Variants in BCKDHA observed in about 807,000 individuals in gnomAD.
BCKDHA encodes 2-oxoisovalerate dehydrogenase subunit alpha, mitochondrial.
In BCKDHA, 43 loss-of-function variants were observed where a neutral mutation model predicts 52.2. The observed-to-expected ratio is 0.82, with a 90% CI of 0.64 to 1.06. BCKDHA has a LOEUF of 1.06. BCKDHA is among the 50% of genes least tolerant of loss of function. The pLI, the probability that BCKDHA is intolerant of heterozygous loss-of-function variation, is 0.00. For synonymous variants in BCKDHA, 234 were observed against 247.9 expected (o/e 0.94, Z 0.53); for missense variants, 527 against 621.3 (o/e 0.85, Z 1.61).
chr19:41,416,361 A>G (rs1400427008), intron 4 of BCKDHA, among the ~76,000 whole-genome samples: 1 of 152,174 alleles, frequency 6.6e-6, no homozygotes, highest in African/African-American at 2.4e-5. Context: ...GTGTTGCCTC[A>G]TTGAGGCACC....
At chr19:41,399,632 C>T (rs2039114889) in intron 1 of BCKDHA, 1 of 151,016 alleles carries the variant, frequency 6.6e-6, no homozygotes. Context: ...TTATTTCTCC[C>T]ACCTGTTCTT....
chr19:41,402,854 T>C (rs144061861), intron 1 of BCKDHA, among the ~76,000 whole-genome samples: 5,159 of 152,254 alleles, frequency 0.034, 286 homozygotes, highest in African/African-American at 0.12. Context: ...TTGGCCAGGC[T>C]GGTCTCGAAC....
chr19:41,404,433 G>A (rs1347436978), intron 1 of BCKDHA, among the ~76,000 whole-genome samples: 1 of 151,756 alleles, frequency 6.6e-6, no homozygotes, highest in East Asian at 1.9e-4. Flanking sequence ...GGGACTACAG[G>A]CGCCCGCCAC....
chr19:41,415,801 A>G (rs1398604948), intron 4 of BCKDHA, among the ~76,000 whole-genome samples: 1 of 147,666 alleles, frequency 6.8e-6, no homozygotes, highest in East Asian at 2.0e-4. Context: ...GGCGCCCACC[A>G]CCATGCCTGG....
At chr19:41,414,277 T>C (rs1395160852) in intron 4 of BCKDHA, 120 bp downstream of exon 4, 1 of 1,028,036 alleles carries the variant, frequency 9.7e-7, no homozygotes, top group Non-Finnish European at 1.5e-6. Context: ...AAGAAGAGCT[T>C]TCCAAGCAAG....
chr19:41,416,289 A>G (rs2039307403), intron 4 of BCKDHA, among the ~76,000 whole-genome samples: 1 of 152,094 alleles, frequency 6.6e-6, no homozygotes, highest in Non-Finnish European at 1.5e-5. Flanking sequence ...GGAGACTGTC[A>G]TTTCCCCTCA....
rs201109190 is a variant in BCKDHA, at chr19:41,422,719, G to A, written c.944G>A (p.Arg315Gln). ...AVYNATKEAR[R>Q]RAVAENQPFL... is the part of the protein sequence containing the mutation. ...TACAACGCCACAAAGGAGGCCCGAC[G>A]GCGGGCTGTGGCAGAGAACCAGCCC... Residue 315 changes from arginine (R) to glutamine (Q), a missense_variant, in exon 7 of 9, where the codon CGG becomes CAG. Arg to Gln is a conservative substitution (Grantham distance 43). Transcript: ENST00000269980. 6 of 1,613,934 alleles carry A rather than the reference G, an allele frequency of 3.7e-6. No individual in the cohort carries two copies. The highest frequency in any genetic ancestry group is 1.7e-5 in the Admixed American group (1 of 60,006).
chr19:41,408,228 A>T (rs1335862144), intron 1 of BCKDHA, among the ~76,000 whole-genome samples: 2 of 146,368 alleles, frequency 1.4e-5, no homozygotes, highest in African/African-American at 2.6e-5. Context: ...AAGTGCTAGG[A>T]TTACAGGCGT....
intron 1 of BCKDHA, among the ~76,000 whole-genome samples, chr19:41,404,457 T>A (rs1303642664): frequency 6.8e-6 from 1 of 146,808 alleles, no homozygotes; most frequent in Non-Finnish European, 1.5e-5. Flanking sequence ...GCCCGGCTAA[T>A]TTTTTGTATT....
intron 1 of BCKDHA, among the ~76,000 whole-genome samples, chr19:41,401,314 G>A (rs1000253518): frequency 7.9e-5 from 12 of 152,018 alleles, no homozygotes; most frequent in Admixed American, 3.9e-4. Context: ...GACCTCAGGC[G>A]ACCCACCCAC....
At chr19:41,413,551 G>T (rs1280068020) in intron 3 of BCKDHA, among the ~76,000 whole-genome samples, 3 of 152,194 alleles carry the variant, frequency 2.0e-5, no homozygotes. Context: ...CCTCACTGCA[G>T]CCTGAGAGCA....
In BCKDHA at chr19:41,424,421, G is replaced by C; in HGVS notation, c.1168-17G>C. ...TGGGAGGCCGGCTAGCCTGCCCACT[G>C]CCCCATGTCCCCACAGGTGATGGAG... On this transcript the variant is annotated splice_polypyrimidine_tract_variant and intron_variant, in intron 8 of 8. Coordinates refer to ENST00000269980, the MANE Select transcript of BCKDHA (RefSeq NM_000709.4). 1 of 1,613,606 alleles carries C rather than the reference G, an allele frequency of 6.2e-7. No individual in the cohort carries two copies. The highest frequency in any genetic ancestry group is 8.5e-7 in the Non-Finnish European group (1 of 1,180,006).
At chr19:41,410,216 C>T (rs1376876174) in intron 1 of BCKDHA, among the ~76,000 whole-genome samples, 1 of 152,134 alleles carries the variant, frequency 6.6e-6, no homozygotes, top group Non-Finnish European at 1.5e-5. Flanking sequence ...GCATGTGTGT[C>T]TGTGGTCACA....
chr19:41,424,467 G>A lies in BCKDHA; in HGVS notation c.1197G>A (p.Arg399=). 1 of 1,614,152 alleles carries A rather than the reference G, an allele frequency of 6.2e-7. No individual in the cohort carries two copies. The highest frequency in any genetic ancestry group is 8.5e-7 in the Non-Finnish European group (1 of 1,180,032). The stretch of plus-strand genomic sequence containing the variant: ...TGGAGGCCTTTGAGCAGGCCGAGCG[G>A]AAGCCCAAACCCAACCCCAACCTAC... ...KVMEAFEQAE[R]KPKPNPNLLF... is the part of the protein sequence containing the mutation. Residue 399 remains arginine, a synonymous_variant, in exon 9 of 9, where the codon CGG becomes CGA. Coordinates refer to ENST00000269980, the MANE Select transcript of BCKDHA (RefSeq NM_000709.4).
rs1450918661 is a variant in BCKDHA at position 41,423,067 on chromosome 19, T to A, written c.1065T>A (p.Asp355Glu). 3.8e-6 allele frequency: 6 copies of A among 1,594,612 alleles called. No individual in the cohort carries two copies. The highest frequency in any genetic ancestry group is 3.4e-6 in the Non-Finnish European group (4 of 1,170,602). The change falls in exon 8 of 9, where the codon GAT (aspartate) becomes GAA (glutamate). Residue 355 changes from aspartate to glutamate, a missense_variant. Physicochemically the swap from Asp to Glu is conservative, Grantham distance 45. Transcript: ENST00000269980. ...CGGTGGATGAGGTCAATTACTGGGA[T>A]AAACAGGACCACCCCATCTCCCGGC... The part of the protein sequence containing the change: ...YRSVDEVNYW[D>E]KQDHPISRLR...
chr19:41,412,764 C>T (rs1024627729), intron 3 of BCKDHA, among the ~76,000 whole-genome samples: 1 of 151,760 alleles, frequency 6.6e-6, no homozygotes, highest in Non-Finnish European at 1.5e-5. Flanking sequence ...AGTGCAGTGG[C>T]GCAATCTCGG....
At chr19:41,422,450 CT>C (rs1485080616) in intron 6 of BCKDHA, 80 bp downstream of exon 6, 90 of 1,587,458 alleles carry the variant, frequency 5.7e-5, no homozygotes, top group Non-Finnish European at 7.4e-5. Flanking sequence ...CCTGCCACCC[CT>C]ACCCTCCTTC....
At chr19:41,412,001 C>T (rs1429625703) in intron 3 of BCKDHA, among the ~76,000 whole-genome samples, 1 of 152,194 alleles carries the variant, frequency 6.6e-6, no homozygotes, top group African/African-American at 2.4e-5. Flanking sequence ...AGGAGGGCAC[C>T]GCCGAGCCGC....
chr19:41,411,599 C>T (rs1176040896), intron 3 of BCKDHA, among the ~76,000 whole-genome samples: 1 of 152,196 alleles, frequency 6.6e-6, no homozygotes, highest in African/African-American at 2.4e-5. Flanking sequence ...ATAGAGCTTT[C>T]TGGGTAGTCC....
Sources: gnomAD v4.1 joint callset for allele counts (sites outside exome capture counted in the v4.1 genomes callset) on GRCh38, gnomAD v4.1.1 for gene constraint, MANE v1.5 for transcripts, NCBI Gene and HGNC (gene_info 2026-07-23, HGNC 2026-07-21) for gene names.